The following FBXO41 variants were observed in gnomAD, a reference collection of about 807,000 sequenced individuals.
The protein encoded by FBXO41 is F-box protein 41.
In FBXO41, 33 loss-of-function variants were observed where a neutral mutation model predicts 81.6. The ratio of observed to expected loss-of-function variants is 0.40; its 90% CI spans 0.31 to 0.54. The LOEUF is 0.54. FBXO41 is among the 20% of genes least tolerant of loss of function. The pLI, the probability that FBXO41 is intolerant of heterozygous loss-of-function variation, is 0.39. For missense variants in FBXO41, 1,107 were observed against 1,236.0 expected, an observed-to-expected ratio of 0.90 and a Z score of 1.56; for synonymous variants, 576 against 552.7, an observed-to-expected ratio of 1.04 and a Z score of -0.59.
chr2:73,260,605 CA>C lies in FBXO41; in HGVS notation c.2291-59del, dbSNP rs1213321507. 6 of 1,549,814 alleles carry C rather than the reference CA, an allele frequency of 3.9e-6. No homozygotes were observed. The African/African-American group carries it at 8.2e-5, about 21-fold the overall frequency. On this transcript the variant is annotated intron_variant, in intron 10 of 12. Transcript: ENST00000520530. This position sits in a 1 kb window ranked among gnomAD's most constrained non-coding sequence, Gnocchi z 5.0. ...ACACTCCCCAGGTCACCCCTGCAGC[CA>C]GCACCCTGGCTACCACCCTGCCACC...
In FBXO41 at chr2:73,269,755, C is replaced by T. The variant is rs955271805; in HGVS notation, c.-125G>A. ...CAGGAAGGCTCAGGGCGCCCGCGGC[C>T]TGGGGCGAGGAGGCTGGAAGAGACG... is the stretch of plus-strand genomic sequence containing the variant. On this transcript the variant is annotated 5_prime_UTR_variant, in exon 2 of 13. Transcript: ENST00000520530. The surrounding 1 kb of genome is among the most constrained non-coding windows in gnomAD (Gnocchi z 7.0). 3.6e-5 allele frequency: 19 copies of T among 524,546 alleles called. No individual in the cohort carries two copies. Among genetic ancestry groups the T allele is most frequent in the Admixed American group, 1.6e-4 (3 of 18,262 alleles). The allele number at this position is 524,546 out of a possible 1,614,324, so 32.5% of individuals were successfully genotyped here. A position where few individuals can be genotyped will look rare whatever the true frequency, so the allele number is the denominator to read the frequency against.
At chr2:73,267,512 T>C (rs1279083765) in intron 2 of FBXO41, among the ~76,000 whole-genome samples, 2 of 152,234 alleles carry the variant, frequency 1.3e-5, no homozygotes, top group East Asian at 3.8e-4. Context: ...TCAACATTTA[T>C]TGAACACCCT....
Position 73,260,728 on chromosome 2 carries a change from G to C in FBXO41, c.2290+12C>G. 2 of 1,537,648 alleles carry C rather than the reference G, an allele frequency of 1.3e-6. No homozygotes were observed. Among genetic ancestry groups the C allele is most frequent in the Non-Finnish European group, 1.8e-6 (2 of 1,137,394 alleles). On this transcript the variant is annotated intron_variant, in intron 10 of 12. Coordinates refer to ENST00000520530, the MANE Select transcript of FBXO41 (RefSeq NM_001371389.2). This position sits in a 1 kb window ranked among gnomAD's most constrained non-coding sequence, Gnocchi z 5.0. ...CCCACTACCCACCACCCCAGTCCAA[G>C]GAAAGACTCACCGAGTGATGCCAGG...
chr2:73,272,406 C>A (rs961796945), intron 1 of FBXO41: 1 of 152,242 alleles, frequency 6.6e-6, no homozygotes, highest in African/African-American at 2.4e-5. Flanking sequence ...AGAGCCAGTT[C>A]TTTGCTTCAA....
chr2:73,259,019 G>A lies in FBXO41; in HGVS notation c.2591C>T (p.Ser864Phe). ...TTCCACCTTGATGTGCAGAATCTTA[G>A]AGAAGCCGGGCCTCCGTCGCAGAGC... ...LQALRRRPGFSKILHIKVEGG... is the reference protein window; with the variant it reads ...LQALRRRPGFFKILHIKVEGG... Residue 864 changes from serine (S) to phenylalanine (F), a missense_variant, in exon 13 of 13, where the codon TCT becomes TTT. Physicochemically the swap from Ser to Phe is radical, Grantham distance 155. Around this residue, in one of 2 missense-constraint regions of FBXO41, gnomAD observed 336 missense variants for 446.7 expected, o/e 0.75. Coordinates refer to ENST00000520530, the MANE Select transcript of FBXO41 (RefSeq NM_001371389.2). The surrounding 1 kb of genome is among the most constrained non-coding windows in gnomAD (Gnocchi z 4.2). 6.3e-7 allele frequency: 1 copy of A among 1,598,382 alleles called. No homozygotes were observed. The highest frequency in any genetic ancestry group is 1.3e-5 in the African/African-American group (1 of 74,626).
In FBXO41 at chr2:73,269,832, G is replaced by A. The variant is rs1438085140; in HGVS notation, c.-138-64C>T. The A allele has an allele frequency of 1.4e-5, 3 of 217,240 alleles. No individual in the cohort carries two copies. Among genetic ancestry groups the A allele is most frequent in the Non-Finnish European group, 2.6e-5 (3 of 114,258 alleles). 13.5% of individuals were successfully genotyped at this position (217,240 alleles called of 1,614,324 possible). The stretch of plus-strand genomic sequence containing the variant: ...CTGCTCCCACCCTGGCTCCCAGCCC[G>A]GAGCCCTCATCCCCCAGCCATGAGG... On this transcript the variant is annotated intron_variant, in intron 1 of 12. Transcript: ENST00000520530. This position sits in a 1 kb window ranked among gnomAD's most constrained non-coding sequence, Gnocchi z 7.0.
Position 73,260,604 on chromosome 2 carries a change from C to T in FBXO41, c.2291-57G>A, listed in dbSNP as rs1687977331. 1.9e-5 allele frequency: 30 copies of T among 1,550,076 alleles called. No homozygotes were observed. The highest frequency in any genetic ancestry group is 2.6e-5 in the Non-Finnish European group (30 of 1,146,370). ...CACACTCCCCAGGTCACCCCTGCAG[C>T]CAGCACCCTGGCTACCACCCTGCCA... is the stretch of plus-strand genomic sequence containing the variant. On this transcript the variant is annotated intron_variant, in intron 10 of 12. Transcript: ENST00000520530. The surrounding 1 kb of genome is among the most constrained non-coding windows in gnomAD (Gnocchi z 5.0).
rs200984173 is a variant in FBXO41, at chr2:73,265,325, G to A, written c.1521C>T (p.Pro507=). Residue 507 remains proline (P), a synonymous_variant, in exon 5 of 13, where the codon CCC becomes CCT. Coordinates refer to ENST00000520530, the MANE Select transcript of FBXO41 (RefSeq NM_001371389.2). ...TCAATGGCCCAGCCATAGCAGGCCC[G>A]GGGCGGGGCGCATCCAACGGGCCCT... ...EAEGPLDAPR[P]GPAMAGPLSS... The A allele has an allele frequency of 3.5e-4, 568 of 1,611,024 alleles. 3 individuals are homozygous for A. The highest frequency in any genetic ancestry group is 4.3e-4 in the Non-Finnish European group (505 of 1,179,640).
Position 73,263,946 on chromosome 2 carries a change from C to G in FBXO41, c.1914G>C (p.Arg638=), listed in dbSNP as rs1688124048. Residue 638 remains arginine, a synonymous_variant, in exon 7 of 13, where the codon CGG becomes CGC. Transcript: ENST00000520530. ...CCCATCGCAGGCCTCACCGGGTGCT[C>G]CGGGCATACTCCTCCTTGCTCTCCT... ...GKKESKEEYA[R]STRGCLEAGL... 6.2e-7 allele frequency: 1 copy of G among 1,610,770 alleles called. No individual in the cohort carries two copies. Among genetic ancestry groups the G allele is most frequent in the Non-Finnish European group, 8.5e-7 (1 of 1,178,506 alleles).
intron 6 of FBXO41, 33 bp from the exon 7 acceptor site, chr2:73,264,086 A>G (rs773345722): frequency 1.3e-6 from 2 of 1,564,372 alleles, no homozygotes; most frequent in Non-Finnish European, 1.7e-6. Flanking sequence ...TTGGAGATGA[A>G]GGGGTCTGAA....
chr2:73,279,693 G>C (rs903813837), intron 1 of FBXO41, among the ~76,000 whole-genome samples: 5 of 152,120 alleles, frequency 3.3e-5, no homozygotes, highest in Non-Finnish European at 7.4e-5. Flanking sequence ...GAGTGAGTGA[G>C]GTAAGGACGT....
rs1164503278 is a variant in FBXO41 at position 73,260,733 on chromosome 2, G to A, written c.2290+7C>T. 2 of 1,539,956 alleles carry A rather than the reference G, an allele frequency of 1.3e-6. No individual in the cohort carries two copies. The highest frequency in any genetic ancestry group is 2.7e-5 in the African/African-American group (2 of 73,006). On this transcript the variant is annotated splice_region_variant and intron_variant, in intron 10 of 12. Coordinates refer to ENST00000520530, the MANE Select transcript of FBXO41 (RefSeq NM_001371389.2). This position sits in a 1 kb window ranked among gnomAD's most constrained non-coding sequence, Gnocchi z 5.0. ...TACCCACCACCCCAGTCCAAGGAAAGACTCACCGAGTGATGCCAGGCCCTG... is the reference window on the plus strand; with the variant it reads ...TACCCACCACCCCAGTCCAAGGAAAAACTCACCGAGTGATGCCAGGCCCTG...
chr2:73,266,803 T>C lies in FBXO41; in HGVS notation c.906-121A>G. On this transcript the variant is annotated intron_variant, in intron 2 of 12. Coordinates refer to ENST00000520530, the MANE Select transcript of FBXO41 (RefSeq NM_001371389.2). The surrounding 1 kb of genome is among the most constrained non-coding windows in gnomAD (Gnocchi z 5.3). ...AGCTGCCTGCGGTGTCTGCTTATGG[T>C]CACATGGGTTCCTGCAGAACAGGCC... The C allele has an allele frequency of 1.4e-6, 2 of 1,390,374 alleles. No individual in the cohort carries two copies. Among genetic ancestry groups the C allele is most frequent in the Non-Finnish European group, 1.9e-6 (2 of 1,074,782 alleles). The allele number at this position is 1,390,374 out of a possible 1,614,324, so 86.1% of individuals were successfully genotyped here. A position where few individuals can be genotyped will look rare whatever the true frequency, so the allele number is the denominator to read the frequency against.
At position 73,259,626 on chromosome 2, in the gene FBXO41, G is replaced by A. The variant is rs543191317; in HGVS notation, c.2450-330C>T. On this transcript the variant is annotated intron_variant, in intron 11 of 12. Coordinates refer to ENST00000520530, the MANE Select transcript of FBXO41 (RefSeq NM_001371389.2). This position sits in a 1 kb window ranked among gnomAD's most constrained non-coding sequence, Gnocchi z 4.2. ...AATGGCAAGGAACAGAGTGGCTGAG[G>A]TGGGGCTCGTGGATCCAGGCTGAAG... Among the ~76,000 whole-genome samples, 1 of 152,276 alleles carries A rather than the reference G, an allele frequency of 6.6e-6. No homozygotes were observed. Among genetic ancestry groups the A allele is most frequent in the African/African-American group, 2.4e-5 (1 of 41,560 alleles).
Position 73,268,925 on chromosome 2 carries a change from G to A in FBXO41, c.706C>T (p.Arg236Trp), listed in dbSNP as rs1348164291. The change falls in exon 2 of 13, where the codon CGG becomes TGG. Residue 236 changes from arginine (R) to tryptophan (W), a missense_variant. Around this residue, in one of 2 missense-constraint regions of FBXO41, gnomAD observed 771 missense variants for 789.2 expected, o/e 0.98. Transcript: ENST00000520530. ...VEQKIAGQVG[R>W]LQAELERKAA... ...TTGCGCTCCAGCTCGGCCTGCAGCC[G>A]GCCCACCTGGCCCGCGATCTTCTGC... The A allele has an allele frequency of 6.5e-7, 1 of 1,540,610 alleles. No homozygotes were observed. The highest frequency in any genetic ancestry group is 8.7e-7 in the Non-Finnish European group (1 of 1,146,272).
intron 1 of FBXO41, among the ~76,000 whole-genome samples, chr2:73,280,418 C>T (rs1467316812): frequency 1.3e-5 from 2 of 152,202 alleles, no homozygotes; most frequent in Non-Finnish European, 2.9e-5. Context: ...GAAGGCTGGC[C>T]ATCTTCTGAG....
At chr2:73,265,121 G>A (rs531471286) in intron 5 of FBXO41, among the ~76,000 whole-genome samples, 161 bp downstream of exon 5, 2 of 152,266 alleles carry the variant, frequency 1.3e-5, no homozygotes, top group East Asian at 1.9e-4. Flanking sequence ...GCATACTTGT[G>A]CCACTGCAGC....
rs775758055 is a variant in FBXO41, at chr2:73,265,572, G to A, written c.1274C>T (p.Pro425Leu). The A allele has an allele frequency of 6.4e-7, 1 of 1,560,404 alleles. No homozygotes were observed. ...GCYDSDSLELPRPEEGAPEDS... is the reference protein window; with the variant it reads ...GCYDSDSLELLRPEEGAPEDS... Reference sequence around the variant, plus strand: ...CTCAGGGGCCCCCTCCTCTGGCCTGGGCAGCTCCAGACTGTCACTGTCATA... The same window carrying A: ...CTCAGGGGCCCCCTCCTCTGGCCTGAGCAGCTCCAGACTGTCACTGTCATA... Residue 425 changes from proline to leucine, a missense_variant, in exon 5 of 13, where the codon CCC becomes CTC. This residue lies in a region of FBXO41 where 771 missense variants were observed against 789.2 expected (regional missense o/e 0.98). Transcript: ENST00000520530.
At chr2:73,278,366 C>T (rs985185369) in intron 1 of FBXO41, among the ~76,000 whole-genome samples, 4 of 152,224 alleles carry the variant, frequency 2.6e-5, no homozygotes, top group African/African-American at 9.7e-5. Context: ...CTGTCCCTTG[C>T]AATCAAGTGT....
Sources: gnomAD v4.1 joint callset for allele counts (sites outside exome capture counted in the v4.1 genomes callset) on GRCh38, gnomAD v4.1.1 for gene constraint, gnomAD v4.1.1 regional missense constraint, Gnocchi (gnomAD v3.1) non-coding constraint, MANE v1.5 for transcripts, NCBI Gene and HGNC (gene_info 2026-07-23, HGNC 2026-07-21) for gene names.